The following ARHGEF38 variants were observed in gnomAD, a reference collection of about 807,000 sequenced individuals.
ARHGEF38 encodes Rho guanine nucleotide exchange factor 38, also known as Rho guanine nucleotide exchange factor (GEF) 38.
In ARHGEF38, 79 loss-of-function variants were observed where a neutral mutation model predicts 79.9. That is an observed-to-expected ratio of 0.99 (90% confidence interval 0.82 to 1.19). The LOEUF (loss-of-function observed/expected upper bound fraction) is 1.19, where lower values mean the gene tolerates loss of function less well. Among genes scored for constraint, ARHGEF38 ranks in the 50% most tolerant of loss-of-function variants. The pLI is 0.00. For missense variants in ARHGEF38, 962 were observed against 907.2 expected, an observed-to-expected ratio of 1.06 and a Z score of -0.78; for synonymous variants, 366 against 328.3, an observed-to-expected ratio of 1.11 and a Z score of -1.24.
intron 2 of ARHGEF38, among the ~76,000 whole-genome samples, chr4:105,608,503 G>A (rs1286136484): frequency 6.6e-6 from 1 of 151,720 alleles, no homozygotes; most frequent in African/African-American, 2.4e-5. Flanking sequence ...TATACAATGT[G>A]CAATGATCAA....
chr4:105,614,796 T>G (rs574590204), intron 3 of ARHGEF38, among the ~76,000 whole-genome samples: 1 of 152,200 alleles, frequency 6.6e-6, no homozygotes, highest in South Asian at 2.1e-4. Flanking sequence ...TAGCAGCATA[T>G]TCACAAGATT....
chr4:105,612,759 A>G (rs758739362), intron 2 of ARHGEF38, among the ~76,000 whole-genome samples: 1 of 152,144 alleles, frequency 6.6e-6, no homozygotes, highest in Non-Finnish European at 1.5e-5. Context: ...TATTTGATGA[A>G]AGGATGGATA....
At position 105,680,582 on chromosome 4, in the gene ARHGEF38, G is replaced by GA. The variant is rs1220071913; in HGVS notation, c.*2652dup. On this transcript the variant is annotated 3_prime_UTR_variant, in exon 14 of 14. Coordinates refer to ENST00000420470, the MANE Select transcript of ARHGEF38 (RefSeq NM_001242729.2). The stretch of plus-strand genomic sequence containing the variant: ...GGTCTTGTAGCTCATTTTATGACAT[G>GA]AAAAAAATCAAGGTCTAAAAGCTCC... 1 of 152,466 alleles carries GA rather than the reference G, an allele frequency of 6.6e-6. No individual in the cohort carries two copies. Among genetic ancestry groups the GA allele is most frequent in the Non-Finnish European group, 1.5e-5 (1 of 68,284 alleles). The allele number at this position is 152,466 out of a possible 1,614,324, so 9.4% of individuals were successfully genotyped here.
chr4:105,674,481 T>C (rs986537882), intron 13 of ARHGEF38, among the ~76,000 whole-genome samples: 2 of 152,114 alleles, frequency 1.3e-5, no homozygotes, highest in Non-Finnish European at 2.9e-5. Flanking sequence ...ATGAGAAATC[T>C]TTCAGTTCTT....
chr4:105,575,678 C>A (rs1726460790), intron 1 of ARHGEF38, among the ~76,000 whole-genome samples: 1 of 151,990 alleles, frequency 6.6e-6, no homozygotes, highest in Admixed American at 6.6e-5. Flanking sequence ...TTTATTTTTG[C>A]TTTTTTTCCA....
intron 5 of ARHGEF38, among the ~76,000 whole-genome samples, chr4:105,644,044 T>A (rs1420076644): frequency 6.6e-6 from 1 of 151,960 alleles, no homozygotes; most frequent in East Asian, 1.9e-4. Context: ...CTTTTGTATT[T>A]TTTTCTAGAG....
intron 6 of ARHGEF38, among the ~76,000 whole-genome samples, chr4:105,648,261 C>T (rs982409280): frequency 2.0e-5 from 3 of 151,692 alleles, no homozygotes; most frequent in Non-Finnish European, 4.4e-5. Flanking sequence ...TTATCTGAGA[C>T]GAGAGGGAGA....
intron 2 of ARHGEF38, among the ~76,000 whole-genome samples, chr4:105,610,834 A>T (rs1728263062): frequency 6.6e-6 from 1 of 152,094 alleles, no homozygotes; most frequent in South Asian, 2.1e-4. Flanking sequence ...TGCCAAATGG[A>T]TTCATAATCT....
chr4:105,654,295 T>G, intron 8 of ARHGEF38, 126 bp downstream of exon 8: 1 of 559,918 alleles, frequency 1.8e-6, no homozygotes, highest in South Asian at 4.5e-5. Flanking sequence ...CGGATCAAAA[T>G]TGGAAGGCTG....
In ARHGEF38 at chr4:105,679,906, C is replaced by G; in HGVS notation, c.*1969C>G. 7.0e-7 allele frequency: 1 copy of G among 1,425,940 alleles called. No homozygotes were observed. Among genetic ancestry groups the G allele is most frequent in the Non-Finnish European group, 9.9e-7 (1 of 1,013,216 alleles). The allele number at this position is 1,425,940 out of a possible 1,614,324, so 88.3% of individuals were successfully genotyped here. A position where few individuals can be genotyped will look rare whatever the true frequency, so the allele number is the denominator to read the frequency against. ...AACCACGAGGAGCCACATTGGTTGC[C>G]ACCAAAACTTTATAATTACCTCTCT... On this transcript the variant is annotated 3_prime_UTR_variant, in exon 14 of 14. Transcript: ENST00000420470.
At chr4:105,591,771 C>G (rs543357798) in intron 2 of ARHGEF38, among the ~76,000 whole-genome samples, 1 of 152,236 alleles carries the variant, frequency 6.6e-6, no homozygotes, top group South Asian at 2.1e-4. Context: ...CTCATTTAAT[C>G]CCCCACAGTT....
chr4:105,649,862 GAAC>G (rs1254702524), intron 7 of ARHGEF38, among the ~76,000 whole-genome samples: 12 of 152,168 alleles, frequency 7.9e-5, no homozygotes, highest in Non-Finnish European at 1.0e-4. Flanking sequence ...AAGAAATTAA[GAAC>G]AACATCTTTG....
At chr4:105,570,714 A>T (rs1215254690) in intron 1 of ARHGEF38, among the ~76,000 whole-genome samples, 1 of 152,148 alleles carries the variant, frequency 6.6e-6, no homozygotes, top group Non-Finnish European at 1.5e-5. Flanking sequence ...CATGACACGT[A>T]GGGATTATGG....
intron 9 of ARHGEF38, among the ~76,000 whole-genome samples, chr4:105,657,226 T>C (rs985630282): frequency 6.6e-6 from 1 of 152,198 alleles, no homozygotes; most frequent in Non-Finnish European, 1.5e-5. Context: ...ATTTATTGAG[T>C]ACCACCTGAA....
chr4:105,564,725 A>T (rs1725805446), intron 1 of ARHGEF38, among the ~76,000 whole-genome samples: 1 of 152,216 alleles, frequency 6.6e-6, no homozygotes, highest in African/African-American at 2.4e-5. Flanking sequence ...GCTTTTCCCA[A>T]TTTGACTCTA....
chr4:105,669,086 TCCC>T, intron 13 of ARHGEF38, among the ~76,000 whole-genome samples: 1 of 152,222 alleles, frequency 6.6e-6, no homozygotes, highest in South Asian at 2.1e-4. Flanking sequence ...TGGTTTTTAG[TCCC>T]TTCTCCCCTT....
intron 1 of ARHGEF38, among the ~76,000 whole-genome samples, chr4:105,565,876 C>T (rs888918804): frequency 3.3e-5 from 5 of 152,166 alleles, no homozygotes; most frequent in Non-Finnish European, 5.9e-5. Flanking sequence ...ATTGATTACT[C>T]ACCAGTTCAT....
intron 1 of ARHGEF38, among the ~76,000 whole-genome samples, chr4:105,580,506 T>C (rs1201224709): frequency 6.6e-6 from 1 of 152,222 alleles, no homozygotes; most frequent in Non-Finnish European, 1.5e-5. Flanking sequence ...TTGTTTCATT[T>C]CCATGTAATT....
chr4:105,589,260 C>T lies in ARHGEF38; in HGVS notation c.209C>T (p.Pro70Leu). Residue 70 changes from proline (P) to leucine (L), a missense_variant, in exon 2 of 14, where the codon CCA (proline) becomes CTA (leucine). Transcript: ENST00000420470. The stretch of plus-strand genomic sequence containing the variant: ...TTTCATTTAACAGAAAAGATGACTC[C>T]ACAGGGTGAGTGTTCTGTAGCTGAG... The part of the protein sequence containing the change: ...YNQKLQEKMT[P>L]QGECSVAETL... The T allele has an allele frequency of 6.2e-7, 1 of 1,611,968 alleles. No individual in the cohort carries two copies. The highest frequency in any genetic ancestry group is 8.5e-7 in the Non-Finnish European group (1 of 1,179,396).
Sources: allele counts gnomAD v4.1 joint callset (sites outside exome capture counted in the v4.1 genomes callset), GRCh38; gene constraint gnomAD v4.1.1; transcripts MANE v1.5; gene names NCBI Gene and HGNC (gene_info 2026-07-23, HGNC 2026-07-21).